The following MAF variants were observed in gnomAD, a reference collection of about 807,000 sequenced individuals.
MAF encodes transcription factor Maf.
In MAF, 10 loss-of-function variants were observed where a neutral mutation model predicts 22.0. That is an observed-to-expected ratio of 0.45 (90% CI 0.28 to 0.77). The LOEUF (loss-of-function observed/expected upper bound fraction) is 0.77, where lower values mean the gene tolerates loss of function less well. Ranked by LOEUF, MAF falls within the 30% of genes least tolerant of loss-of-function variation. MAF has a pLI of 0.12. For missense variants in MAF, 544 were observed against 548.4 expected (o/e 0.99, Z 0.08); for synonymous variants, 337 against 255.8 (o/e 1.32, Z -3.03).
the MAF span, among the ~76,000 whole-genome samples, chr16:79,291,219 G>T: frequency 6.6e-6 from 1 of 152,154 alleles, no homozygotes; most frequent in African/African-American, 2.4e-5. Context: ...GTGGAGGGCA[G>T]GGAGGTGACC....
At chr16:79,555,053 G>T in the MAF span, among the ~76,000 whole-genome samples, 1 of 152,144 alleles carries the variant, frequency 6.6e-6, no homozygotes, top group Non-Finnish European at 1.5e-5. Flanking sequence ...GAAGGGAGCT[G>T]GCAGATACAC....
chr16:79,384,480 G>T, the MAF span, among the ~76,000 whole-genome samples: 79 of 148,930 alleles, frequency 5.3e-4, no homozygotes, highest in Admixed American at 8.7e-4. Context: ...GGGAGCGGCC[G>T]GGCATGGTGG....
chr16:79,211,319 C>G, the MAF span, among the ~76,000 whole-genome samples: 1 of 152,190 alleles, frequency 6.6e-6, no homozygotes, highest in Non-Finnish European at 1.5e-5. Flanking sequence ...GAAGAGGCGC[C>G]TGCCACGACG....
the MAF span, among the ~76,000 whole-genome samples, chr16:79,546,572 G>A: frequency 6.6e-6 from 1 of 152,162 alleles, no homozygotes; most frequent in Non-Finnish European, 1.5e-5. Flanking sequence ...AGAAAAATAA[G>A]TTGGCTTACA....
At chr16:79,449,955 G>C in the MAF span, among the ~76,000 whole-genome samples, 1 of 152,176 alleles carries the variant, frequency 6.6e-6, no homozygotes, top group African/African-American at 2.4e-5. Context: ...TTTTAAGATG[G>C]GCAGAAATTT....
the MAF span, among the ~76,000 whole-genome samples, chr16:79,355,517 C>G: frequency 2.0e-5 from 3 of 152,344 alleles, no homozygotes; most frequent in South Asian, 4.1e-4. Context: ...GAATTTGGTG[C>G]TGGAGGACCA....
chr16:79,313,766 C>T, the MAF span, among the ~76,000 whole-genome samples: 1 of 152,094 alleles, frequency 6.6e-6, no homozygotes, highest in Non-Finnish European at 1.5e-5. Flanking sequence ...GGAAGAAATC[C>T]CTAGGATTTC....
chr16:79,211,485 C>T, the MAF span: 29 of 1,285,826 alleles, frequency 2.3e-5, no homozygotes, highest in Non-Finnish European at 3.1e-5. Flanking sequence ...CTTTGCTATG[C>T]CAAGATCCAG....
chr16:79,344,927 A>C, the MAF span, among the ~76,000 whole-genome samples: 2 of 152,206 alleles, frequency 1.3e-5, no homozygotes, highest in Admixed American at 6.5e-5. Context: ...TTCTTTTGTG[A>C]AGAATGTAAT....
intron 1 of MAF, chr16:79,597,167 T>C (rs1225274637): frequency 5.7e-6 from 6 of 1,055,456 alleles, no homozygotes; most frequent in Admixed American, 5.4e-5. Flanking sequence ...AACATCACAA[T>C]AGTAAACAAT....
chr16:79,277,191 T>C, the MAF span, among the ~76,000 whole-genome samples: 1 of 152,102 alleles, frequency 6.6e-6, no homozygotes, highest in Non-Finnish European at 1.5e-5. Context: ...ACGCCAGTAA[T>C]TGAATCTAGG....
chr16:79,400,448 C>G, the MAF span, among the ~76,000 whole-genome samples: 1 of 152,224 alleles, frequency 6.6e-6, no homozygotes, highest in Non-Finnish European at 1.5e-5. Context: ...GTAAACTACG[C>G]CCTGTTGTGC....
downstream of MAF, among the ~76,000 whole-genome samples, chr16:79,590,712 A>T (rs554226316): frequency 3.1e-3 from 464 of 149,796 alleles, 3 homozygotes; most frequent in African/African-American, 0.01. Context: ...TTTTGGGGGG[A>T]CTCTGAGAAT....
At chr16:79,421,102 T>C in the MAF span, among the ~76,000 whole-genome samples, 1 of 152,182 alleles carries the variant, frequency 6.6e-6, no homozygotes, top group Admixed American at 6.5e-5. Flanking sequence ...TTCTATTTTA[T>C]TATTAGCCGT....
At chr16:79,434,645 ATAAT>A in the MAF span, among the ~76,000 whole-genome samples, 16 of 151,698 alleles carry the variant, frequency 1.1e-4, no homozygotes, top group Middle Eastern at 3.4e-3. Flanking sequence ...TAAATAATAT[ATAAT>A]TAAAGTAGAT....
chr16:79,277,294 T>C, the MAF span, among the ~76,000 whole-genome samples: 2 of 152,282 alleles, frequency 1.3e-5, no homozygotes, highest in South Asian at 2.1e-4. Flanking sequence ...TACCAGGAGC[T>C]AGGACCTCAG....
At chr16:79,264,019 G>A in the MAF span, among the ~76,000 whole-genome samples, 1 of 152,186 alleles carries the variant, frequency 6.6e-6, no homozygotes, top group Non-Finnish European at 1.5e-5. Flanking sequence ...AAGACAACCA[G>A]TAGTCAAAGC....
At chr16:79,330,717 A>T in the MAF span, among the ~76,000 whole-genome samples, 1 of 152,186 alleles carries the variant, frequency 6.6e-6, no homozygotes, top group Non-Finnish European at 1.5e-5. Context: ...CAGTGCTTAC[A>T]AATTTGAGGC....
the MAF span, among the ~76,000 whole-genome samples, chr16:79,339,329 G>C: frequency 6.6e-6 from 1 of 152,168 alleles, no homozygotes; most frequent in East Asian, 1.9e-4. Flanking sequence ...AGAGTGCTGG[G>C]ATTACAGGCG....
Sources: gnomAD v4.1 joint callset for allele counts (sites outside exome capture counted in the v4.1 genomes callset) on GRCh38, gnomAD v4.1.1 for gene constraint, MANE v1.5 for transcripts, NCBI Gene and HGNC (gene_info 2026-07-23, HGNC 2026-07-21) for gene names.